NBAS: variants seen among roughly 807,000 people sequenced by gnomAD.
The protein encoded by NBAS is NBAS subunit of NRZ tethering complex, also known as NAG/BC035112 fusion.
Under a neutral mutation model 302.5 loss-of-function variants are expected in NBAS, and 219 were observed. The ratio of observed to expected loss-of-function variants is 0.72; its 90% confidence interval spans 0.65 to 0.81. The LOEUF (loss-of-function observed/expected upper bound fraction) is 0.81, where lower values mean the gene tolerates loss of function less well. Ranked by LOEUF, NBAS falls within the 30% of genes least tolerant of loss-of-function variation. NBAS has a pLI of 0.00. For synonymous variants in NBAS, 1,118 were observed against 1,021.6 expected (o/e 1.09, Z -1.80); for missense variants, 2,932 against 2,841.6 (o/e 1.03, Z -0.72).
intron 35 of NBAS, among the ~76,000 whole-genome samples, chr2:15,332,721 C>A (rs1672410482): frequency 6.6e-6 from 1 of 151,930 alleles, no homozygotes; most frequent in Non-Finnish European, 1.5e-5. Context: ...GGCAACAATG[C>A]AAAAAATAAT....
At chr2:14,848,802 C>G in the NBAS span, among the ~76,000 whole-genome samples, 2 of 151,942 alleles carry the variant, frequency 1.3e-5, no homozygotes, top group Admixed American at 6.5e-5. Flanking sequence ...GGGAGGCACC[C>G]CCAGCAGGGG....
At chr2:15,136,914 A>T in the NBAS span, among the ~76,000 whole-genome samples, 1 of 152,148 alleles carries the variant, frequency 6.6e-6, no homozygotes, top group African/African-American at 2.4e-5. Context: ...ACCTTCTGCC[A>T]TGATTGTAAG....
intron 50 of NBAS, among the ~76,000 whole-genome samples, chr2:15,186,378 A>C (rs1205392426): frequency 6.6e-6 from 1 of 152,138 alleles, no homozygotes; most frequent in African/African-American, 2.4e-5. Flanking sequence ...TTATCTGCTG[A>C]GAAGAGTGCT....
chr2:15,537,069 G>A (rs2148685330), intron 7 of NBAS, among the ~76,000 whole-genome samples: 1 of 152,274 alleles, frequency 6.6e-6, no homozygotes, highest in African/African-American at 2.4e-5. Context: ...AGATTTGAAG[G>A]CCTGTACATC....
At chr2:15,288,311 T>A (rs1026955367) in intron 41 of NBAS, among the ~76,000 whole-genome samples, 4 of 152,282 alleles carry the variant, frequency 2.6e-5, no homozygotes, top group Non-Finnish European at 5.9e-5. Flanking sequence ...CAATTAAATA[T>A]AGCGGTGGTA....
intron 2 of NBAS, among the ~76,000 whole-genome samples, chr2:15,557,850 A>G (rs867882763): frequency 2.0e-4 from 30 of 152,298 alleles, no homozygotes; most frequent in Middle Eastern, 6.8e-3. Flanking sequence ...CAGTAAACCT[A>G]GTGCTCAATC....
the NBAS span, among the ~76,000 whole-genome samples, chr2:15,116,903 A>G: frequency 6.6e-6 from 1 of 152,210 alleles, no homozygotes; most frequent in African/African-American, 2.4e-5. Context: ...CATTAAATAT[A>G]TATGCTAAAC....
intron 42 of NBAS, among the ~76,000 whole-genome samples, chr2:15,283,277 A>G (rs1329479895): frequency 6.6e-6 from 1 of 152,220 alleles, no homozygotes; most frequent in African/African-American, 2.4e-5. Context: ...ATTAACAAGA[A>G]TGACACAAAT....
Position 15,356,290 on chromosome 2 carries a change from G to A in NBAS, c.3931+13C>T. 6.3e-7 allele frequency: 1 copy of A among 1,598,182 alleles called. No homozygotes were observed. The highest frequency in any genetic ancestry group is 8.6e-7 in the Non-Finnish European group (1 of 1,165,608). On this transcript the variant is annotated intron_variant, in intron 33 of 51. Coordinates refer to ENST00000281513, the MANE Select transcript of NBAS (RefSeq NM_015909.4). ...AGGACATAAGCAAAGTGTTAAATAAGCTGTCTACTCACCTGTGGCCATCAG... is the reference window on the plus strand; with the variant it reads ...AGGACATAAGCAAAGTGTTAAATAAACTGTCTACTCACCTGTGGCCATCAG...
chr2:14,788,991 G>C, the NBAS span, among the ~76,000 whole-genome samples: 79,396 of 149,178 alleles, frequency 0.53, 21,418 homozygotes, highest in African/African-American at 0.78. Context: ...CCACCCAGTT[G>C]GAGCTTCCTG....
chr2:15,119,570 AC>A, the NBAS span, among the ~76,000 whole-genome samples: 1 of 151,902 alleles, frequency 6.6e-6, no homozygotes, highest in Non-Finnish European at 1.5e-5. Flanking sequence ...CGATCTCCTG[AC>A]CTCGTGATCC....
rs1672293301 is a variant in NBAS, at chr2:15,330,704, G to T, written c.4241C>A (p.Thr1414Asn). The change falls in exon 36 of 52, where the codon ACC (threonine) becomes AAC (asparagine). Residue 1414 changes from threonine (T) to asparagine (N), a missense_variant. Physicochemically the swap from Thr to Asn is moderately conservative, Grantham distance 65. Coordinates refer to ENST00000281513, the MANE Select transcript of NBAS (RefSeq NM_015909.4). ...TGTGGTGTTGGAAAGGACTTTCATG[G>T]TGGTAGCAGTGGTCCAGCGCAATAG... Reference protein sequence around the residue: ...ADLLRWTTATTMKVLSNTTTT... With the variant: ...ADLLRWTTATNMKVLSNTTTT... 6.2e-7 allele frequency: 1 copy of T among 1,614,052 alleles called. No homozygotes were observed. Among genetic ancestry groups the T allele is most frequent in the Non-Finnish European group, 8.5e-7 (1 of 1,179,962 alleles).
At chr2:14,917,639 A>G in the NBAS span, among the ~76,000 whole-genome samples, 1 of 152,196 alleles carries the variant, frequency 6.6e-6, no homozygotes, top group Non-Finnish European at 1.5e-5. Flanking sequence ...GCTTTCATGC[A>G]TGGTTATATA....
chr2:15,481,480 C>A (rs1680425489), intron 12 of NBAS, among the ~76,000 whole-genome samples: 1 of 152,178 alleles, frequency 6.6e-6, no homozygotes, highest in Admixed American at 6.5e-5. Context: ...TGGACAGGAT[C>A]ACCAAACTCC....
chr2:14,849,166 T>G, the NBAS span, among the ~76,000 whole-genome samples: 1 of 140,532 alleles, frequency 7.1e-6, no homozygotes, highest in Non-Finnish European at 1.5e-5. Flanking sequence ...GCAAAGAAGT[T>G]GAAAACTTTG....
intron 23 of NBAS, among the ~76,000 whole-genome samples, chr2:15,419,082 TTGAC>T (rs1205999671): frequency 6.6e-6 from 1 of 152,184 alleles, no homozygotes; most frequent in African/African-American, 2.4e-5. Context: ...TCGCCATTCA[TTGAC>T]TGATTAGTTC....
intron 30 of NBAS, among the ~76,000 whole-genome samples, chr2:15,376,580 A>C (rs997814928): frequency 2.0e-5 from 3 of 152,070 alleles, no homozygotes; most frequent in East Asian, 3.9e-4. Flanking sequence ...ATTCCTTCTG[A>C]GATAAGATAT....
the NBAS span, among the ~76,000 whole-genome samples, chr2:14,903,649 A>G: frequency 3.9e-5 from 6 of 152,266 alleles, no homozygotes; most frequent in Admixed American, 1.3e-4. Context: ...TAGAACTGAA[A>G]CGAGACACTT....
chr2:15,447,085 G>A (rs1034855581), intron 21 of NBAS, among the ~76,000 whole-genome samples: 6 of 152,040 alleles, frequency 3.9e-5, no homozygotes, highest in Admixed American at 3.3e-4. Context: ...GCCAACACAC[G>A]GGACATGTGA....
Sources: allele counts gnomAD v4.1 joint callset (sites outside exome capture counted in the v4.1 genomes callset), GRCh38; gene constraint gnomAD v4.1.1; transcripts MANE v1.5; gene names NCBI Gene and HGNC (gene_info 2026-07-23, HGNC 2026-07-21).